Variants in ST3GAL3 observed in about 807,000 individuals in gnomAD.
The protein encoded by ST3GAL3 is ST3 beta-galactoside alpha-2,3-sialyltransferase 3.
A neutral mutation model predicts 50.1 loss-of-function variants in ST3GAL3; 21 were observed. The observed-to-expected ratio is 0.42, with a 90% CI of 0.30 to 0.60. ST3GAL3 has a LOEUF of 0.60. Ranked by LOEUF, ST3GAL3 falls within the 20% of genes least tolerant of loss-of-function variation. The pLI is 0.19. For synonymous variants in ST3GAL3, 183 were observed against 190.0 expected, an observed-to-expected ratio of 0.96 and a Z score of 0.30; for missense variants, 353 against 489.4, an observed-to-expected ratio of 0.72 and a Z score of 2.63.
intron 2 of ST3GAL3, among the ~76,000 whole-genome samples, chr1:43,749,626 G>T (rs1413495962): frequency 6.6e-6 from 1 of 152,178 alleles, no homozygotes; most frequent in East Asian, 1.9e-4. Context: ...GACTTGAACA[G>T]ATATTTCATA....
chr1:43,770,830 C>G (rs1030288573), intron 2 of ST3GAL3, among the ~76,000 whole-genome samples: 8 of 152,148 alleles, frequency 5.3e-5, no homozygotes, highest in Admixed American at 2.0e-4. Flanking sequence ...GGTACTTTGC[C>G]AAGTACCCAG....
intron 5 of ST3GAL3, among the ~76,000 whole-genome samples, chr1:43,862,826 G>A (rs2070344262): frequency 6.6e-6 from 1 of 152,094 alleles, no homozygotes; most frequent in Non-Finnish European, 1.5e-5. Context: ...TGAGGCAGGA[G>A]GATCGCTTGA....
At chr1:43,851,286 C>G in intron 5 of ST3GAL3, 1 of 1,576,980 alleles carries the variant, frequency 6.3e-7, no homozygotes, top group Non-Finnish European at 8.7e-7. Context: ...GTCATGAACC[C>G]GTGGGTCAGG....
At chr1:43,891,731 G>T (rs777240063) in intron 5 of ST3GAL3, among the ~76,000 whole-genome samples, 13 of 152,100 alleles carry the variant, frequency 8.5e-5, no homozygotes, top group Non-Finnish European at 1.6e-4. Context: ...TCATTATTCT[G>T]CAAATGGGTA....
At chr1:43,868,364 G>A (rs1172837723) in intron 5 of ST3GAL3, among the ~76,000 whole-genome samples, 1 of 152,170 alleles carries the variant, frequency 6.6e-6, no homozygotes. Flanking sequence ...AAATCTAGTA[G>A]ACCTTTCTCT....
At chr1:43,852,970 T>A in intron 5 of ST3GAL3, among the ~76,000 whole-genome samples, 1 of 152,178 alleles carries the variant, frequency 6.6e-6, no homozygotes, top group East Asian at 1.9e-4. Context: ...AAAATAAAGA[T>A]CCTAGAGTAA....
At chr1:43,857,610 T>TCCTTCCTTCCTTCCTC (rs2068819709) in intron 5 of ST3GAL3, among the ~76,000 whole-genome samples, 1 of 140,116 alleles carries the variant, frequency 7.1e-6, no homozygotes, top group Non-Finnish European at 1.6e-5. Flanking sequence ...CTTCCTTCCT[T>TCCTTCCTTCCTTCCTC]CCTTCCTTCC....
intron 2 of ST3GAL3, among the ~76,000 whole-genome samples, chr1:43,762,570 C>T (rs1218276872): frequency 6.6e-6 from 1 of 152,088 alleles, no homozygotes; most frequent in African/African-American, 2.4e-5. Context: ...TGTTGCTTGG[C>T]GGCATCCCCT....
chr1:43,767,765 T>G (rs992955642), intron 2 of ST3GAL3, among the ~76,000 whole-genome samples: 2 of 151,606 alleles, frequency 1.3e-5, no homozygotes, highest in Non-Finnish European at 2.9e-5. Context: ...ATGGCACGTG[T>G]TTACCCATGT....
In ST3GAL3 at chr1:43,894,586, C is replaced by T. The variant is rs2077110132; in HGVS notation, c.397+109C>T. On this transcript the variant is annotated intron_variant, in intron 6 of 11. Coordinates refer to ENST00000347631, the MANE Select transcript of ST3GAL3 (RefSeq NM_006279.5). ...GTCCCCATGCTGAGAATCCACCCTT[C>T]CTCTACTCTCAACAAATCTTCTCTA... The T allele has an allele frequency of 6.2e-6, 6 of 962,512 alleles. No individual in the cohort carries two copies. The Middle Eastern group carries it at 1.0e-3, about 167-fold the overall frequency. 59.6% of individuals were successfully genotyped at this position (962,512 alleles called of 1,614,324 possible). A position where few individuals can be genotyped will look rare whatever the true frequency, so the allele number is the denominator to read the frequency against.
chr1:43,788,985 C>T (rs961007501), intron 2 of ST3GAL3, among the ~76,000 whole-genome samples: 20 of 150,060 alleles, frequency 1.3e-4, no homozygotes, highest in African/African-American at 4.9e-4. Flanking sequence ...ACAATGTGTT[C>T]AACGTCTGAA....
At chr1:43,716,093 T>C (rs1287728593) in intron 1 of ST3GAL3, among the ~76,000 whole-genome samples, 2 of 152,202 alleles carry the variant, frequency 1.3e-5, no homozygotes, top group African/African-American at 4.8e-5. Flanking sequence ...AAAACGTCTA[T>C]TTTCAAAATG....
chr1:43,930,804 G>A lies in ST3GAL3; in HGVS notation c.*583G>A, dbSNP rs1005354732. Reference sequence around the variant, plus strand: ...GTTTGGCCTTTCTTGGGGAGAAGGCGGGGTATTCCCACTCACCAGCCCTAG... The same window carrying A: ...GTTTGGCCTTTCTTGGGGAGAAGGCAGGGTATTCCCACTCACCAGCCCTAG... On this transcript the variant is annotated 3_prime_UTR_variant, in exon 12 of 12. Coordinates refer to ENST00000347631, the MANE Select transcript of ST3GAL3 (RefSeq NM_006279.5). The A allele has an allele frequency of 1.6e-5, 3 of 190,562 alleles. No individual in the cohort carries two copies. Among genetic ancestry groups the A allele is most frequent in the African/African-American group, 7.0e-5 (3 of 42,772 alleles). The allele number at this position is 190,562 out of a possible 1,614,324, so 11.8% of individuals were successfully genotyped here.
At chr1:43,854,239 C>T (rs570649169) in intron 5 of ST3GAL3, among the ~76,000 whole-genome samples, 14 of 152,280 alleles carry the variant, frequency 9.2e-5, no homozygotes, top group Non-Finnish European at 2.1e-4. Flanking sequence ...TTACCTTCTC[C>T]GCTTCCTCAT....
chr1:43,820,072 A>T (rs1013841779), intron 4 of ST3GAL3, among the ~76,000 whole-genome samples: 6 of 152,206 alleles, frequency 3.9e-5, no homozygotes, highest in African/African-American at 1.4e-4. Flanking sequence ...TACTATAAGG[A>T]TATAGTAACT....
chr1:43,861,751 G>A (rs189128718), intron 5 of ST3GAL3, among the ~76,000 whole-genome samples: 3 of 152,282 alleles, frequency 2.0e-5, no homozygotes, highest in Admixed American at 6.5e-5. Context: ...TGCTTTGGCC[G>A]GGCACAGTGG....
intron 5 of ST3GAL3, among the ~76,000 whole-genome samples, chr1:43,876,998 C>T (rs149990222): frequency 2.0e-5 from 3 of 152,278 alleles, no homozygotes; most frequent in Admixed American, 1.3e-4. Flanking sequence ...CCAGCCTCTG[C>T]GTTTGTATGG....
At chr1:43,880,374 A>G (rs2074900636) in intron 5 of ST3GAL3, among the ~76,000 whole-genome samples, 1 of 152,110 alleles carries the variant, frequency 6.6e-6, no homozygotes, top group Non-Finnish European at 1.5e-5. Flanking sequence ...CCATACCTCT[A>G]AGCTCACCTG....
intron 1 of ST3GAL3, among the ~76,000 whole-genome samples, chr1:43,723,700 C>T (rs1357106840): frequency 6.6e-6 from 1 of 152,196 alleles, no homozygotes; most frequent in Non-Finnish European, 1.5e-5. Context: ...CAACCTCTGC[C>T]TCCTGGGTTC....
Sources: gnomAD v4.1 joint callset for allele counts (sites outside exome capture counted in the v4.1 genomes callset) on GRCh38, gnomAD v4.1.1 for gene constraint, MANE v1.5 for transcripts, NCBI Gene and HGNC (gene_info 2026-07-23, HGNC 2026-07-21) for gene names.